The following CA5A variants were observed in gnomAD, a reference collection of about 807,000 sequenced individuals.
The protein encoded by CA5A is carbonic anhydrase 5A, also known as carbonic anhydrase 5A, mitochondrial.
CA5A carries 28 observed loss-of-function variants against 37.1 expected under a neutral mutation model. That is an observed-to-expected ratio of 0.75 (90% CI 0.56 to 1.03). The LOEUF (loss-of-function observed/expected upper bound fraction) is 1.03. Ranked by LOEUF, CA5A falls within the 50% of genes least tolerant of loss-of-function variation. The pLI is 0.00. For missense variants in CA5A, 444 were observed against 399.9 expected, an observed-to-expected ratio of 1.11 and a Z score of -0.94; for synonymous variants, 171 against 158.4, an observed-to-expected ratio of 1.08 and a Z score of -0.60.
intron 2 of CA5A, among the ~76,000 whole-genome samples, chr16:87,926,262 C>T (rs1338790912): frequency 2.7e-5 from 4 of 148,406 alleles, no homozygotes; most frequent in South Asian, 2.2e-4. Flanking sequence ...GGCCAGGTCA[C>T]TGCCTGCTGA....
Position 87,927,602 on chromosome 16 carries a change from C to G in CA5A, c.143-657G>C, listed in dbSNP as rs139940138. On this transcript the variant is annotated intron_variant, in intron 1 of 6. Transcript: ENST00000649794. ...AGAGGTCAGGAACAGTGGCTCACGC[C>G]TGTAATCCCAGCATTTTCGGAAGCA... Among the ~76,000 whole-genome samples, 578 of 152,292 alleles carry G rather than the reference C, an allele frequency of 3.8e-3. 9 individuals carry two copies. Among genetic ancestry groups the G allele is most frequent in the Admixed American group, 0.031 (468 of 15,294 alleles).
At chr16:87,893,669 G>T in intron 5 of CA5A, 1 of 576,152 alleles carries the variant, frequency 1.7e-6, no homozygotes, top group Non-Finnish European at 3.2e-6. Context: ...CCGAGGCTCG[G>T]GCTGGGTCAG....
chr16:87,922,812 T>A (rs1001644586), intron 2 of CA5A, among the ~76,000 whole-genome samples: 1 of 152,260 alleles, frequency 6.6e-6, no homozygotes, highest in Non-Finnish European at 1.5e-5. Context: ...GGATGCAGAT[T>A]CTTTCTCTAA....
intron 5 of CA5A, among the ~76,000 whole-genome samples, chr16:87,892,783 C>A (rs1487292245): frequency 6.6e-6 from 1 of 150,400 alleles, no homozygotes; most frequent in African/African-American, 2.4e-5. Flanking sequence ...AAGCGATTCT[C>A]CTGCCTCAGC....
chr16:87,913,429 A>G (rs2144007587), intron 2 of CA5A, among the ~76,000 whole-genome samples: 1 of 151,268 alleles, frequency 6.6e-6, no homozygotes, highest in East Asian at 1.9e-4. Context: ...CTGCCTCCTG[A>G]GTAGCTGGGA....
downstream of CA5A, chr16:87,886,140 C>G (rs2055645705): frequency 7.4e-6 from 1 of 134,274 alleles, no homozygotes; most frequent in Non-Finnish European, 1.6e-5. Flanking sequence ...AGTTCTGGAT[C>G]AAGTTTTTTT....
rs2055885343 is a variant in CA5A, at chr16:87,901,994, G to C, written c.556-20C>G. 6.2e-7 allele frequency: 1 copy of C among 1,611,222 alleles called. No homozygotes were observed. The highest frequency in any genetic ancestry group is 8.5e-7 in the Non-Finnish European group (1 of 1,177,670). ...CCCGAGCTGCATGGCAGACAAAGGA[G>C]GGGTTAGCTGCAAAGGCAGTGGATG... is the stretch of plus-strand genomic sequence containing the variant. On this transcript the variant is annotated intron_variant, in intron 4 of 6. Coordinates refer to ENST00000649794, the MANE Select transcript of CA5A (RefSeq NM_001739.2).
chr16:87,889,378 T>A (rs2143893455), intron 6 of CA5A, among the ~76,000 whole-genome samples: 1 of 152,222 alleles, frequency 6.6e-6, no homozygotes, highest in East Asian at 1.9e-4. Context: ...CTAAAGCCAC[T>A]ATGTTTTGGA....
chr16:87,931,005 C>T (rs959894526), intron 1 of CA5A, among the ~76,000 whole-genome samples: 2 of 151,794 alleles, frequency 1.3e-5, no homozygotes, highest in African/African-American at 4.8e-5. Flanking sequence ...TCCCAAAGTG[C>T]TGGGATTATA....
intron 3 of CA5A, among the ~76,000 whole-genome samples, chr16:87,903,556 T>C (rs570783336): frequency 1.0e-3 from 155 of 152,330 alleles, no homozygotes; most frequent in African/African-American, 3.4e-3. Context: ...GCCATTGTTG[T>C]GCTCATTCTT....
At chr16:87,928,578 AT>A (rs903345836) in intron 1 of CA5A, among the ~76,000 whole-genome samples, 16 of 152,128 alleles carry the variant, frequency 1.1e-4, no homozygotes, top group African/African-American at 3.9e-4. Flanking sequence ...TGTGAAAAAA[AT>A]ATATATATAC....
chr16:87,881,794 G>A (rs1470936103), exon 5 of CA5A: 1 of 152,226 alleles, frequency 6.6e-6, no homozygotes, highest in Non-Finnish European at 1.5e-5. Flanking sequence ...TCCTCTCGGC[G>A]TGTTTGTGGT....
At chr16:87,897,034 C>G (rs1341805072) in intron 5 of CA5A, among the ~76,000 whole-genome samples, 1 of 152,268 alleles carries the variant, frequency 6.6e-6, no homozygotes. Context: ...CTCTTAGAGT[C>G]TCAGTTTCCC....
chr16:87,919,079 G>A (rs2056194870), intron 2 of CA5A, among the ~76,000 whole-genome samples: 1 of 152,242 alleles, frequency 6.6e-6, no homozygotes, highest in Non-Finnish European at 1.5e-5. Flanking sequence ...TCAGTCTGTG[G>A]CAGGGAGGGC....
chr16:87,890,775 C>G (rs1170551067), intron 6 of CA5A, among the ~76,000 whole-genome samples: 1 of 152,014 alleles, frequency 6.6e-6, no homozygotes, highest in Non-Finnish European at 1.5e-5. Flanking sequence ...GCCACCATGC[C>G]TGGCTAATTT....
intron 2 of CA5A, among the ~76,000 whole-genome samples, chr16:87,920,263 C>T (rs945064437): frequency 6.6e-6 from 1 of 152,202 alleles, no homozygotes; most frequent in African/African-American, 2.4e-5. Context: ...TGCTCCCTCC[C>T]TTCCATTTCT....
intron 2 of CA5A, among the ~76,000 whole-genome samples, chr16:87,907,950 AAAG>A (rs2055990224): frequency 2.0e-5 from 3 of 152,130 alleles, no homozygotes; most frequent in African/African-American, 7.2e-5. Context: ...CAAACAAACA[AAAG>A]CGGTTGTTTC....
At chr16:87,919,712 G>T (rs1046773982) in intron 2 of CA5A, among the ~76,000 whole-genome samples, 1 of 152,164 alleles carries the variant, frequency 6.6e-6, no homozygotes, top group Non-Finnish European at 1.5e-5. Context: ...AAACCAAAAA[G>T]AAGTCTTAAG....
intron 1 of CA5A, among the ~76,000 whole-genome samples, chr16:87,931,812 C>T (rs939920066): frequency 1.4e-4 from 22 of 152,370 alleles, no homozygotes; most frequent in African/African-American, 4.3e-4. Flanking sequence ...TTCTCTCTCA[C>T]GCGATAGACA....
Sources: gnomAD v4.1 joint callset for allele counts (sites outside exome capture counted in the v4.1 genomes callset) on GRCh38, gnomAD v4.1.1 for gene constraint, MANE v1.5 for transcripts, NCBI Gene and HGNC (gene_info 2026-07-23, HGNC 2026-07-21) for gene names.